Variants in GABRB1 observed in about 807,000 individuals in gnomAD.
GABRB1 encodes gamma-aminobutyric acid type A receptor subunit beta1, also known as gamma-aminobutyric acid receptor subunit beta-1.
A neutral mutation model predicts 51.6 loss-of-function variants in GABRB1; 17 were observed. The ratio of observed to expected loss-of-function variants is 0.33; its 90% CI spans 0.23 to 0.49. The LOEUF is 0.49. GABRB1 is among the 20% of genes least tolerant of loss of function. The pLI is 0.99. For missense variants in GABRB1, 410 were observed against 600.6 expected, an observed-to-expected ratio of 0.68 and a Z score of 3.32; for synonymous variants, 247 against 218.9, an observed-to-expected ratio of 1.13 and a Z score of -1.14.
chr4:47,347,628 G>A (rs999483893), intron 5 of GABRB1, among the ~76,000 whole-genome samples: 4 of 151,576 alleles, frequency 2.6e-5, no homozygotes, highest in African/African-American at 9.7e-5. Flanking sequence ...GATCCCATAT[G>A]TCAAGTGAAA....
In GABRB1 at chr4:46,997,252, A is replaced by G. The variant is rs141374143; in HGVS notation, c.-20+3326A>G. Reference sequence around the variant, plus strand: ...TTTGATATAAATATATAGCAAAATGACTTTTACAGTCAAATTAACATATCC... The same window carrying G: ...TTTGATATAAATATATAGCAAAATGGCTTTTACAGTCAAATTAACATATCC... On this transcript the variant is annotated intron_variant, in intron 1 of 3. Coordinates refer to the GABRB1 transcript ENST00000513567. Among the ~76,000 whole-genome samples, 391 of 152,158 alleles carry G rather than the reference A, an allele frequency of 2.6e-3. 1 individual carries two copies. Among genetic ancestry groups the G allele is most frequent in the African/African-American group, 8.8e-3 (365 of 41,546 alleles).
intron 4 of GABRB1, among the ~76,000 whole-genome samples, chr4:47,206,976 G>A (rs2109804910): frequency 6.6e-6 from 1 of 151,950 alleles, no homozygotes; most frequent in South Asian, 2.1e-4. Flanking sequence ...AAAGACTTAA[G>A]TGATCATGAC....
At chr4:47,029,185 A>G (rs1317286222), upstream of GABRB1, among the ~76,000 whole-genome samples, 2 of 151,904 alleles carry the variant, frequency 1.3e-5, no homozygotes, top group Non-Finnish European at 2.9e-5. Flanking sequence ...TCACTAGGGT[A>G]TATTCTGAGT....
intron 3 of GABRB1, among the ~76,000 whole-genome samples, chr4:47,082,784 C>A (rs1327719247): frequency 6.6e-6 from 1 of 152,076 alleles, no homozygotes; most frequent in Admixed American, 6.6e-5. Context: ...ATAGATGCAT[C>A]TAATTTAGTA....
intron 5 of GABRB1, among the ~76,000 whole-genome samples, chr4:47,370,862 A>G (rs1242661495): frequency 1.3e-5 from 2 of 152,202 alleles, no homozygotes; most frequent in Non-Finnish European, 2.9e-5. Flanking sequence ...TCACCTAATG[A>G]GTAGACAAAA....
chr4:47,384,119 A>G (rs1727691372), intron 5 of GABRB1, among the ~76,000 whole-genome samples: 1 of 152,148 alleles, frequency 6.6e-6, no homozygotes, highest in Admixed American at 6.5e-5. Flanking sequence ...TTATTTTTTA[A>G]ATGATTACAT....
chr4:47,417,456 C>T (rs1193440130), intron 8 of GABRB1, among the ~76,000 whole-genome samples: 2 of 152,054 alleles, frequency 1.3e-5, no homozygotes, highest in East Asian at 1.9e-4. Context: ...CTCCTCCCCC[C>T]GAGAAAAGGT....
At chr4:47,046,008 T>C (rs571660535) in intron 3 of GABRB1, among the ~76,000 whole-genome samples, 1 of 152,114 alleles carries the variant, frequency 6.6e-6, no homozygotes, top group East Asian at 1.9e-4. Context: ...GACTGAAACA[T>C]AGGGGCAGTT....
intron 4 of GABRB1, among the ~76,000 whole-genome samples, chr4:47,312,096 G>A (rs1001428261): frequency 1.3e-5 from 2 of 151,734 alleles, no homozygotes; most frequent in African/African-American, 2.4e-5. Context: ...CATGCTTGGT[G>A]TGTATCAGGC....
chr4:47,227,717 G>A (rs550241563), intron 4 of GABRB1, among the ~76,000 whole-genome samples: 70 of 152,266 alleles, frequency 4.6e-4, no homozygotes, highest in Non-Finnish European at 9.1e-4. Flanking sequence ...CCATAACAAA[G>A]CGATAGACTA....
At chr4:47,232,812 C>A (rs917087970) in intron 4 of GABRB1, among the ~76,000 whole-genome samples, 8 of 151,824 alleles carry the variant, frequency 5.3e-5, no homozygotes, top group Non-Finnish European at 7.4e-5. Context: ...AAATGATTCT[C>A]AAATTTCTTA....
At chr4:47,116,162 A>T (rs1715468121) in intron 3 of GABRB1, among the ~76,000 whole-genome samples, 1 of 152,232 alleles carries the variant, frequency 6.6e-6, no homozygotes, top group Admixed American at 6.5e-5. Context: ...CAAGTTTGGT[A>T]CACTCTACAA....
intron 4 of GABRB1, among the ~76,000 whole-genome samples, chr4:47,195,322 A>T (rs1175153652): frequency 6.6e-6 from 1 of 152,048 alleles, no homozygotes; most frequent in Non-Finnish European, 1.5e-5. Flanking sequence ...AGCCAAGATC[A>T]TGCCACTGCA....
chr4:47,168,008 C>G (rs1405061576), intron 4 of GABRB1, among the ~76,000 whole-genome samples: 1 of 152,156 alleles, frequency 6.6e-6, no homozygotes, highest in African/African-American at 2.4e-5. Context: ...CACATCAGGT[C>G]TCTGTACTTG....
chr4:47,060,014 C>T (rs1412008358), intron 3 of GABRB1, among the ~76,000 whole-genome samples: 1 of 152,166 alleles, frequency 6.6e-6, no homozygotes, highest in Non-Finnish European at 1.5e-5. Context: ...TCATTTTTGA[C>T]TCATCAATCA....
At chr4:46,995,034 C>G (rs1267330409) in intron 1 of GABRB1, among the ~76,000 whole-genome samples, 1 of 152,170 alleles carries the variant, frequency 6.6e-6, no homozygotes, top group African/African-American at 2.4e-5. Flanking sequence ...AATTTGTTAA[C>G]TTCATCCTAA....
At chr4:47,257,689 A>C (rs1406997168) in intron 4 of GABRB1, among the ~76,000 whole-genome samples, 5 of 151,712 alleles carry the variant, frequency 3.3e-5, no homozygotes, top group African/African-American at 4.8e-5. Context: ...GAAAGCTAAG[A>C]GTCAGGAAAA....
intron 5 of GABRB1, among the ~76,000 whole-genome samples, chr4:47,352,809 G>C (rs532349690): frequency 3.3e-5 from 5 of 152,194 alleles, no homozygotes; most frequent in Non-Finnish European, 7.3e-5. Context: ...CTTCATAGTA[G>C]TGAGGGTTTG....
rs201304707 is a variant in GABRB1 at position 47,080,556 on chromosome 4, CT to C, written c.240+48081del. Among the ~76,000 whole-genome samples, 28 of 152,028 alleles carry C rather than the reference CT, an allele frequency of 1.8e-4. No individual in the cohort carries two copies. In the Middle Eastern group the frequency reaches 0.014, roughly 74 times the overall value. On this transcript the variant is annotated intron_variant, in intron 3 of 8. Transcript: ENST00000295454. ...TAATCTGTCCTAAGTAACTCAAGTT[CT>C]TTTTTTTTAAAAAAAATTACTTTAT...
Sources: allele counts gnomAD v4.1 joint callset (sites outside exome capture counted in the v4.1 genomes callset), GRCh38; gene constraint gnomAD v4.1.1; transcripts MANE v1.5; gene names NCBI Gene and HGNC (gene_info 2026-07-23, HGNC 2026-07-21).